AKAP13: variants seen among roughly 807,000 people sequenced by gnomAD.
AKAP13 encodes A-kinase anchoring protein 13, also known as A-kinase anchor protein 13.
Under a neutral mutation model 264.5 loss-of-function variants are expected in AKAP13, and 80 were observed. The observed-to-expected ratio is 0.30, with a 90% CI of 0.25 to 0.36. The LOEUF is 0.36. AKAP13 is among the 10% of genes least tolerant of loss of function. The pLI is 1.00. For synonymous variants in AKAP13, 1,380 were observed against 1,250.2 expected, an observed-to-expected ratio of 1.10 and a Z score of -2.19; for missense variants, 3,712 against 3,435.2, an observed-to-expected ratio of 1.08 and a Z score of -2.01.
chr15:85,447,762 A>G (rs186730250), intron 1 of AKAP13, among the ~76,000 whole-genome samples: 14 of 152,314 alleles, frequency 9.2e-5, no homozygotes, highest in Admixed American at 7.2e-4. Flanking sequence ...TTCTTTATCC[A>G]GTCTGTCATT....
chr15:85,726,898 TAAAA>T, intron 27 of AKAP13, 164 bp from the exon 28 acceptor site: 1 of 719,282 alleles, frequency 1.4e-6, no homozygotes, highest in African/African-American at 1.8e-5. Context: ...CTTTTTTTGT[TAAAA>T]TCTGAATGAA....
intron 2 of AKAP13, among the ~76,000 whole-genome samples, chr15:85,500,975 C>T (rs2076022921): frequency 6.6e-6 from 1 of 152,184 alleles, no homozygotes; most frequent in African/African-American, 2.4e-5. Flanking sequence ...TCTTACTGCT[C>T]AGGCGATGGT....
intron 8 of AKAP13, among the ~76,000 whole-genome samples, chr15:85,611,363 G>A (rs7168216): frequency 0.62 from 94,059 of 151,916 alleles, 29,254 homozygotes; most frequent in Middle Eastern, 0.72. Flanking sequence ...TTCATCATCT[G>A]ATCTCTCCCC....
intron 3 of AKAP13, among the ~76,000 whole-genome samples, chr15:85,528,072 G>A (rs2151178525): frequency 6.6e-6 from 1 of 152,206 alleles, no homozygotes; most frequent in South Asian, 2.1e-4. Context: ...TCCACTTTTA[G>A]CTTAATAGGA....
intron 5 of AKAP13, among the ~76,000 whole-genome samples, chr15:85,569,513 A>G (rs1470874811): frequency 1.4e-5 from 2 of 144,184 alleles, no homozygotes. Flanking sequence ...AGTGCAATGC[A>G]TCGATCTCGG....
At chr15:85,570,715 A>G (rs1177864321) in intron 5 of AKAP13, among the ~76,000 whole-genome samples, 1 of 152,106 alleles carries the variant, frequency 6.6e-6, no homozygotes, top group East Asian at 1.9e-4. Flanking sequence ...GCCTCCAGTT[A>G]TTGTCAAATG....
Position 85,484,703 on chromosome 15 carries a change from G to T in AKAP13, c.-11-1007G>T, listed in dbSNP as rs546814756. Among the ~76,000 whole-genome samples, 35 of 152,310 alleles carry T rather than the reference G, an allele frequency of 2.3e-4. No homozygotes were observed. The South Asian group carries it at 7.2e-3, about 32-fold the overall frequency. On this transcript the variant is annotated intron_variant, in intron 1 of 36. Coordinates refer to ENST00000394518, the MANE Select transcript of AKAP13 (RefSeq NM_007200.5). ...AGGATTGTAATATCGAGATGGTTCTGTTATTTGAGTTAGGCATGGCTAGGC... is the reference window on the plus strand; with the variant it reads ...AGGATTGTAATATCGAGATGGTTCTTTTATTTGAGTTAGGCATGGCTAGGC...
chr15:85,457,501 TAGA>T (rs1194116978), intron 1 of AKAP13, among the ~76,000 whole-genome samples: 1 of 152,204 alleles, frequency 6.6e-6, no homozygotes, highest in Non-Finnish European at 1.5e-5. Context: ...GGAGCCATAG[TAGA>T]AGGAGGTGGA....
chr15:85,385,418 G>T (rs1441768265), intron 1 of AKAP13, among the ~76,000 whole-genome samples: 2 of 151,892 alleles, frequency 1.3e-5, no homozygotes, highest in Non-Finnish European at 2.9e-5. Context: ...CTAAAATTCC[G>T]CCATTTTAGT....
chr15:85,538,785 G>A (rs1431152362), intron 4 of AKAP13, among the ~76,000 whole-genome samples: 3 of 149,378 alleles, frequency 2.0e-5, no homozygotes, highest in Non-Finnish European at 4.4e-5. Flanking sequence ...CACCGCGCCC[G>A]GCCTTGATAG....
At position 85,741,446 on chromosome 15, in the gene AKAP13, G is replaced by A. The variant is rs766942749; in HGVS notation, c.8009G>A (p.Arg2670Gln). ...GAGAGGGAACAGGAGCAGCTGCGCCGGGAGGCAGAGCGGCTCAGCCAGCGG... is the reference window on the plus strand; with the variant it reads ...GAGAGGGAACAGGAGCAGCTGCGCCAGGAGGCAGAGCGGCTCAGCCAGCGG... The part of the protein sequence containing the change: ...QLEREQEQLR[R>Q]EAERLSQRQT... Residue 2670 changes from arginine (R) to glutamine (Q), a missense_variant, in exon 35 of 37, where the codon CGG (arginine) becomes CAG (glutamine). Around this residue, in one of 3 missense-constraint regions of AKAP13, gnomAD observed 611 missense variants for 539.3 expected, o/e 1.13. Coordinates refer to ENST00000394518, the MANE Select transcript of AKAP13 (RefSeq NM_007200.5). The A allele has an allele frequency of 3.2e-5, 51 of 1,608,308 alleles. No individual in the cohort carries two copies. Among genetic ancestry groups the A allele is most frequent in the South Asian group, 2.5e-4 (23 of 90,894 alleles).
At chr15:85,586,465 A>G (rs1054258953) in intron 8 of AKAP13, among the ~76,000 whole-genome samples, 2 of 152,124 alleles carry the variant, frequency 1.3e-5, no homozygotes, top group Non-Finnish European at 2.9e-5. Context: ...CAGCCTCCCA[A>G]AGTGCTGGGA....
intron 1 of AKAP13, among the ~76,000 whole-genome samples, chr15:85,413,786 A>G (rs1267388991): frequency 6.6e-6 from 1 of 152,166 alleles, no homozygotes; most frequent in Non-Finnish European, 1.5e-5. Flanking sequence ...GCGCCTCAGA[A>G]GCATTTATAT....
chr15:85,521,660 A>T lies in AKAP13; in HGVS notation c.181+85A>T. 3 of 1,462,146 alleles carry T rather than the reference A, an allele frequency of 2.1e-6. No homozygotes were observed. The South Asian group carries it at 4.0e-5, about 20-fold the overall frequency. 90.6% of individuals were successfully genotyped at this position (1,462,146 alleles called of 1,614,324 possible). ...TGTTTATGAGTATAGAGTGACAGGA[A>T]GAGTGAAGTGTAGACAGTATAAAAA... On this transcript the variant is annotated intron_variant, in intron 3 of 36. Transcript: ENST00000394518.
At chr15:85,460,420 A>T (rs1047274510) in intron 1 of AKAP13, among the ~76,000 whole-genome samples, 1 of 152,200 alleles carries the variant, frequency 6.6e-6, no homozygotes, top group Non-Finnish European at 1.5e-5. Context: ...GTGTGACATT[A>T]TTCATGAACC....
At chr15:85,501,019 A>G (rs1440865616) in intron 2 of AKAP13, among the ~76,000 whole-genome samples, 1 of 152,160 alleles carries the variant, frequency 6.6e-6, no homozygotes, top group Non-Finnish European at 1.5e-5. Context: ...ACTACCACCA[A>G]TCTGATTGTG....
chr15:85,498,424 G>T (rs1679709609), intron 2 of AKAP13, among the ~76,000 whole-genome samples: 1 of 152,024 alleles, frequency 6.6e-6, no homozygotes, highest in Admixed American at 6.6e-5. Context: ...CACCTTCCTT[G>T]TAAGGTAACT....
chr15:85,719,052 A>T (rs1432687736), intron 22 of AKAP13, 24 bp from the exon 23 acceptor site: 2 of 1,611,904 alleles, frequency 1.2e-6, no homozygotes, highest in Non-Finnish European at 1.7e-6. Flanking sequence ...TGTTCCTGAC[A>T]CTTGATCTTT....
In AKAP13 at chr15:85,735,054, A is replaced by G; in HGVS notation, c.7345A>G (p.Ser2449Gly). The G allele has an allele frequency of 1.2e-6, 2 of 1,614,244 alleles. No individual in the cohort carries two copies. The highest frequency in any genetic ancestry group is 2.7e-5 in the African/African-American group (2 of 75,070). Residue 2449 changes from serine (S) to glycine (G), a missense_variant, in exon 31 of 37, where the codon AGC becomes GGC. Ser to Gly is a moderately conservative substitution (Grantham distance 56). This residue lies in a region of AKAP13 where 611 missense variants were observed against 539.3 expected (regional missense o/e 1.13). Coordinates refer to ENST00000394518, the MANE Select transcript of AKAP13 (RefSeq NM_007200.5). The part of the protein sequence containing the change: ...LGGTLGPTVS[S>G]PIEQDVVGPV... ...AGGCACACTTGGGCCGACTGTCAGCAGCCCCATTGAGCAAGATGTGGTCGG... is the reference window on the plus strand; with the variant it reads ...AGGCACACTTGGGCCGACTGTCAGCGGCCCCATTGAGCAAGATGTGGTCGG...
Sources: allele counts gnomAD v4.1 joint callset (sites outside exome capture counted in the v4.1 genomes callset), GRCh38; gene constraint gnomAD v4.1.1; regional missense constraint gnomAD v4.1.1; transcripts MANE v1.5; gene names NCBI Gene and HGNC (gene_info 2026-07-23, HGNC 2026-07-21).